ARSG: variants seen among roughly 807,000 people sequenced by gnomAD.
The protein encoded by ARSG is arylsulfatase G.
Under a neutral mutation model 50.5 loss-of-function variants are expected in ARSG, and 37 were observed. The ratio of observed to expected loss-of-function variants is 0.73; its 90% CI spans 0.56 to 0.96. ARSG has a LOEUF of 0.96. ARSG is among the 50% of genes least tolerant of loss of function. The probability of loss-of-function intolerance (pLI) is 0.00; values close to 1 mark genes in which losing one functional copy is unlikely to be tolerated. For missense variants in ARSG, 629 were observed against 675.3 expected, an observed-to-expected ratio of 0.93 and a Z score of 0.76; for synonymous variants, 225 against 254.6, an observed-to-expected ratio of 0.88 and a Z score of 1.11.
chr17:68,267,851 T>C (rs1233856042), intron 1 of ARSG: 14 of 152,332 alleles, frequency 9.2e-5, no homozygotes, highest in East Asian at 5.8e-4. Context: ...AAGATGTAAA[T>C]TGCAACTTGT....
At chr17:68,361,180 GA>G (rs1041420771) in intron 6 of ARSG, among the ~76,000 whole-genome samples, 8 of 152,216 alleles carry the variant, frequency 5.3e-5, no homozygotes, top group Admixed American at 2.0e-4. Flanking sequence ...ACTACACATT[GA>G]AATCCTAACC....
At chr17:68,334,876 A>G (rs780094341) in intron 2 of ARSG, among the ~76,000 whole-genome samples, 1 of 152,050 alleles carries the variant, frequency 6.6e-6, no homozygotes, top group Non-Finnish European at 1.5e-5. Context: ...ATGTAGGGTC[A>G]CTCACTGCCA....
chr17:68,331,292 C>G (rs1469805198), intron 2 of ARSG, among the ~76,000 whole-genome samples: 2 of 144,656 alleles, frequency 1.4e-5, no homozygotes, highest in Non-Finnish European at 3.0e-5. Context: ...GCTCTGTCAC[C>G]CAGACTGGAG....
intron 11 of ARSG, among the ~76,000 whole-genome samples, chr17:68,418,557 T>G (rs1007256842): frequency 6.6e-6 from 1 of 152,206 alleles, no homozygotes; most frequent in Admixed American, 6.5e-5. Context: ...CCTAAATATT[T>G]CAAATTTTAT....
Position 68,309,395 on chromosome 17 carries a change from A to G in ARSG, c.218+1684A>G, listed in dbSNP as rs375309512. Among the ~76,000 whole-genome samples the G allele has an allele frequency of 2.0e-5, 3 of 152,228 alleles. No individual in the cohort carries two copies. The East Asian group carries it at 5.8e-4, about 29-fold the overall frequency. The stretch of plus-strand genomic sequence containing the variant: ...TGGGCTGAAGGGCTCAAGTGCCACC[A>G]AAGTGGGAGCCCAGGCAGAGGAGGC... On this transcript the variant is annotated intron_variant, in intron 2 of 11. Coordinates refer to ENST00000621439, the MANE Select transcript of ARSG (RefSeq NM_001267727.2).
chr17:68,400,393 G>C (rs567573485), intron 10 of ARSG: 8 of 152,184 alleles, frequency 5.3e-5, no homozygotes, highest in African/African-American at 1.7e-4. Context: ...AGCTGTGGGC[G>C]TCTGTGACCA....
At chr17:68,428,047 A>G in the ARSG span, among the ~76,000 whole-genome samples, 445 of 151,282 alleles carry the variant, frequency 2.9e-3, 16 homozygotes, top group East Asian at 0.063. Context: ...ATGTACCACC[A>G]TGCCTGGCTA....
Position 68,381,352 on chromosome 17 carries a change from G to A in ARSG, c.983-3712G>A, listed in dbSNP as rs2080423291. On this transcript the variant is annotated intron_variant, in intron 8 of 11. Transcript: ENST00000621439. This position sits in a 1 kb window ranked among gnomAD's most constrained non-coding sequence, Gnocchi z 4.1. Reference sequence around the variant, plus strand: ...AATATTTATTGCTTTAAGAGGTTCTGCTTTAATTAGAGTCACAAGTAACCA... The same window carrying A: ...AATATTTATTGCTTTAAGAGGTTCTACTTTAATTAGAGTCACAAGTAACCA... Among the ~76,000 whole-genome samples, 1 of 152,160 alleles carries A rather than the reference G, an allele frequency of 6.6e-6. No individual in the cohort carries two copies. Among genetic ancestry groups the A allele is most frequent in the Non-Finnish European group, 1.5e-5 (1 of 68,032 alleles).
intron 11 of ARSG, among the ~76,000 whole-genome samples, chr17:68,412,740 C>G (rs940103410): frequency 6.6e-6 from 1 of 152,124 alleles, no homozygotes; most frequent in South Asian, 2.1e-4. Context: ...CCATTCTCCC[C>G]GTCACTTTCA....
intron 1 of ARSG, among the ~76,000 whole-genome samples, chr17:68,293,552 T>C (rs1328042179): frequency 6.6e-6 from 1 of 152,100 alleles, no homozygotes; most frequent in Non-Finnish European, 1.5e-5. Flanking sequence ...TATTCTTATA[T>C]TTTATTAATA....
intron 1 of ARSG, among the ~76,000 whole-genome samples, chr17:68,292,147 C>T (rs1661341096): frequency 1.3e-5 from 2 of 152,042 alleles, no homozygotes; most frequent in African/African-American, 4.8e-5. Flanking sequence ...TTTGCTGCAC[C>T]GGCAGCAGCG....
At chr17:68,445,603 C>T in the ARSG span, among the ~76,000 whole-genome samples, 1 of 152,244 alleles carries the variant, frequency 6.6e-6, no homozygotes, top group African/African-American at 2.4e-5. Flanking sequence ...AGACCCTTCT[C>T]TTCCTCTCCA....
rs115845741 is a variant in ARSG at position 68,393,006 on chromosome 17, C to T, written c.1092-2067C>T. ...GTCACCAAGCTGGTGACAGGTAGAA[C>T]GCCTCAGTTCTTAGGTGGGCTCACA... On this transcript the variant is annotated intron_variant, in intron 9 of 11. Coordinates refer to ENST00000621439, the MANE Select transcript of ARSG (RefSeq NM_001267727.2). Among the ~76,000 whole-genome samples the T allele has an allele frequency of 3.0e-3, 454 of 152,286 alleles. 5 individuals are homozygous for T. The highest frequency in any genetic ancestry group is 0.01 in the African/African-American group (435 of 41,554).
chr17:68,428,853 T>C, the ARSG span: 2 of 1,613,866 alleles, frequency 1.2e-6, no homozygotes, highest in Admixed American at 1.7e-5. Flanking sequence ...TAAGACACAC[T>C]CTCCTCCATC....
At chr17:68,386,627 A>C (rs2080738793) in intron 9 of ARSG, among the ~76,000 whole-genome samples, 1 of 152,098 alleles carries the variant, frequency 6.6e-6, no homozygotes, top group Admixed American at 6.5e-5. Flanking sequence ...GGAATCTGTG[A>C]TGTCAGGCTG....
At chr17:68,323,237 CACTT>C (rs2145880286) in intron 2 of ARSG, among the ~76,000 whole-genome samples, 1 of 152,162 alleles carries the variant, frequency 6.6e-6, no homozygotes, top group African/African-American at 2.4e-5. Flanking sequence ...TTATTATCCT[CACTT>C]ACATATGAGT....
rs1409768965 is a variant in ARSG at position 68,408,008 on chromosome 17, TTTC to T, written c.1303+6561_1303+6563del. 1.6e-3 allele frequency among the ~76,000 whole-genome samples: 246 copies of T among 150,416 alleles called. 2 individuals carry two copies. Among genetic ancestry groups the T allele is most frequent in the African/African-American group, 5.7e-3 (229 of 40,490 alleles). ...CATTCAGTATTATGTTGGCTGTGGGTTTCTTTTTTTTTTTTTTATTGGTGCAAA... is the reference window on the plus strand; with the variant it reads ...CATTCAGTATTATGTTGGCTGTGGGTTTTTTTTTTTTTTTATTGGTGCAAA... On this transcript the variant is annotated intron_variant, in intron 11 of 11. Coordinates refer to ENST00000621439, the MANE Select transcript of ARSG (RefSeq NM_001267727.2).
At chr17:68,266,428 A>G (rs538195419) in intron 1 of ARSG, among the ~76,000 whole-genome samples, 85 of 58,698 alleles carry the variant, frequency 1.4e-3, no homozygotes, top group Non-Finnish European at 2.4e-3. Flanking sequence ...ATATATATGT[A>G]TATATATACT....
intron 1 of ARSG, among the ~76,000 whole-genome samples, chr17:68,283,529 A>T (rs1323393786): frequency 6.7e-6 from 1 of 150,172 alleles, no homozygotes; most frequent in African/African-American, 2.5e-5. Flanking sequence ...TCAGAAAAAA[A>T]AAAAAAAGGC....
Sources: allele counts gnomAD v4.1 joint callset (sites outside exome capture counted in the v4.1 genomes callset), GRCh38; gene constraint gnomAD v4.1.1; non-coding constraint Gnocchi (gnomAD v3.1); transcripts MANE v1.5; gene names NCBI Gene and HGNC (gene_info 2026-07-23, HGNC 2026-07-21).